The following ADAM12 variants were observed in gnomAD, a reference collection of about 807,000 sequenced individuals.
ADAM12 encodes the protein disintegrin and metalloproteinase domain-containing protein 12.
In ADAM12, 70 loss-of-function variants were observed where a neutral mutation model predicts 106.4. The ratio of observed to expected loss-of-function variants is 0.66; its 90% CI spans 0.54 to 0.80. The LOEUF (loss-of-function observed/expected upper bound fraction) is 0.80, where lower values mean the gene tolerates loss of function less well. ADAM12 is among the 30% of genes least tolerant of loss of function. ADAM12 has a pLI of 0.00. For synonymous variants in ADAM12, 420 were observed against 433.5 expected, an observed-to-expected ratio of 0.97 and a Z score of 0.39; for missense variants, 1,010 against 1,171.9, an observed-to-expected ratio of 0.86 and a Z score of 2.02.
chr10:126,305,968 T>C (rs1027685370), intron 2 of ADAM12, among the ~76,000 whole-genome samples: 3 of 152,052 alleles, frequency 2.0e-5, no homozygotes, highest in Admixed American at 2.0e-4. Flanking sequence ...TATATTTATA[T>C]ATACTTCATT....
chr10:126,311,383 G>A (rs1172378456), intron 2 of ADAM12, among the ~76,000 whole-genome samples: 3 of 152,186 alleles, frequency 2.0e-5, no homozygotes, highest in African/African-American at 7.2e-5. Flanking sequence ...TTAGGGCACA[G>A]CACTGGCAGA....
chr10:126,267,255 C>CT (rs1959114937), intron 3 of ADAM12, among the ~76,000 whole-genome samples: 1 of 152,156 alleles, frequency 6.6e-6, no homozygotes, highest in Admixed American at 6.5e-5. Flanking sequence ...GGTCCCCAAA[C>CT]TTTTTGGCAC....
intron 3 of ADAM12, among the ~76,000 whole-genome samples, chr10:126,246,136 G>A (rs1374537083): frequency 6.6e-6 from 1 of 152,144 alleles, no homozygotes; most frequent in African/African-American, 2.4e-5. Flanking sequence ...GCATTCTGGA[G>A]GAGAAAGGCA....
chr10:126,379,090 G>T (rs1189585667), intron 1 of ADAM12, among the ~76,000 whole-genome samples: 1 of 152,182 alleles, frequency 6.6e-6, no homozygotes, highest in Non-Finnish European at 1.5e-5. Flanking sequence ...TACACTGTTG[G>T]TGGGAGTGTA....
chr10:126,282,039 G>T (rs1200597261), intron 2 of ADAM12, among the ~76,000 whole-genome samples: 1 of 152,216 alleles, frequency 6.6e-6, no homozygotes, highest in African/African-American at 2.4e-5. Flanking sequence ...ACACACCAGA[G>T]ACTGTGTGGC....
At chr10:126,144,630 G>A (rs1206328469) in intron 4 of ADAM12, among the ~76,000 whole-genome samples, 1 of 152,154 alleles carries the variant, frequency 6.6e-6, no homozygotes, top group Non-Finnish European at 1.5e-5. Context: ...GGGGTTAGCA[G>A]GGGCAGGGGT....
At chr10:126,120,989 ATAT>A (rs1956079101) in intron 5 of ADAM12, among the ~76,000 whole-genome samples, 1 of 133,758 alleles carries the variant, frequency 7.5e-6, no homozygotes, top group Non-Finnish European at 1.5e-5. Flanking sequence ...AATATAGCAT[ATAT>A]TATATATTAC....
intron 3 of ADAM12, among the ~76,000 whole-genome samples, chr10:126,241,380 T>C (rs1958520569): frequency 6.6e-6 from 1 of 152,240 alleles, no homozygotes; most frequent in South Asian, 2.1e-4. Context: ...TTTTATGTTA[T>C]GTGAATCACA....
chr10:126,157,878 A>G (rs1205137903), intron 3 of ADAM12, among the ~76,000 whole-genome samples: 1 of 152,152 alleles, frequency 6.6e-6, no homozygotes, highest in Non-Finnish European at 1.5e-5. Context: ...GAAGGAGAGC[A>G]GGCAAGGCAG....
rs186332368 is a variant in ADAM12 at position 126,269,362 on chromosome 10, C to G, written c.260+9553G>C. 3.9e-3 allele frequency among the ~76,000 whole-genome samples: 589 copies of G among 152,320 alleles called. 5 individuals carry two copies. The highest frequency in any genetic ancestry group is 0.013 in the African/African-American group (548 of 41,564). On this transcript the variant is annotated intron_variant, in intron 3 of 22. Coordinates refer to ENST00000448723, the MANE Select transcript of ADAM12 (RefSeq NM_001288973.2). Reference sequence around the variant, plus strand: ...AGCCTCATTTTACCCAGCTCCTATTCAAGATGGAGTTGCTCTGGTTCAAAC... The same window carrying G: ...AGCCTCATTTTACCCAGCTCCTATTGAAGATGGAGTTGCTCTGGTTCAAAC...
intron 3 of ADAM12, among the ~76,000 whole-genome samples, chr10:126,211,232 T>A (rs1399202236): frequency 6.6e-6 from 1 of 152,152 alleles, no homozygotes; most frequent in African/African-American, 2.4e-5. Context: ...ACAGAACCCA[T>A]CATTGAGATA....
chr10:126,220,741 C>T (rs528039126), intron 3 of ADAM12, among the ~76,000 whole-genome samples: 17 of 152,348 alleles, frequency 1.1e-4, no homozygotes, highest in African/African-American at 4.1e-4. Context: ...CTTTGAAAGT[C>T]TTACCCAATG....
At chr10:126,222,312 C>T (rs866872966) in intron 3 of ADAM12, among the ~76,000 whole-genome samples, 3 of 151,984 alleles carry the variant, frequency 2.0e-5, no homozygotes, top group Non-Finnish European at 2.9e-5. Context: ...TGAGGTCTCA[C>T]GTGAAATTGA....
At chr10:126,200,082 G>A (rs966856564) in intron 3 of ADAM12, among the ~76,000 whole-genome samples, 1 of 152,104 alleles carries the variant, frequency 6.6e-6, no homozygotes, top group African/African-American at 2.4e-5. Flanking sequence ...AATATTCACT[G>A]TTCTATTAAT....
chr10:126,043,908 G>A lies in ADAM12; in HGVS notation c.1996-760C>T, dbSNP rs969982356. On this transcript the variant is annotated intron_variant, in intron 17 of 22. Transcript: ENST00000448723. This position sits in a 1 kb window ranked among gnomAD's most constrained non-coding sequence, Gnocchi z 4.1. ...CGGGAAAGGGAGACCAAGAAAGCCC[G>A]AGGAGGCTGTGCTTCACCCTTGTTG... Among the ~76,000 whole-genome samples the A allele has an allele frequency of 2.0e-5, 3 of 152,266 alleles. No homozygotes were observed. Among genetic ancestry groups the A allele is most frequent in the Middle Eastern group, 6.8e-3 (2 of 294 alleles).
intron 4 of ADAM12, among the ~76,000 whole-genome samples, chr10:126,152,693 A>C (rs1002093578): frequency 5.9e-5 from 9 of 151,762 alleles, no homozygotes; most frequent in Non-Finnish European, 1.0e-4. Flanking sequence ...GCTGGATTTT[A>C]TTTTAAATTC....
chr10:126,062,819 T>C (rs1230334558), intron 14 of ADAM12, among the ~76,000 whole-genome samples: 3 of 152,142 alleles, frequency 2.0e-5, no homozygotes, highest in African/African-American at 7.2e-5. Flanking sequence ...TCACAGCCCT[T>C]GTAACTCAAG....
chr10:126,259,695 T>A (rs916983062), intron 3 of ADAM12, among the ~76,000 whole-genome samples: 1 of 152,240 alleles, frequency 6.6e-6, no homozygotes. Context: ...AGAAAGTACA[T>A]CTTCTCCACA....
Position 126,049,569 on chromosome 10 carries a change from G to T in ADAM12, c.1710C>A (p.Cys570Ter). The T allele has an allele frequency of 6.2e-7, 1 of 1,614,084 alleles. No individual in the cohort carries two copies. Among genetic ancestry groups the T allele is most frequent in the Non-Finnish European group, 8.5e-7 (1 of 1,179,984 alleles). ...GKVSKSSFAK[C>*]EMRDAKCGKI... Reference sequence around the variant, plus strand: ...ATGTCTGGATTCCATACCTCATCTCGCATTTGGCAAAGGAACTCTTCGAGA... The same window carrying T: ...ATGTCTGGATTCCATACCTCATCTCTCATTTGGCAAAGGAACTCTTCGAGA... The change falls in exon 15 of 23, where the codon TGC becomes TGA. Residue 570 changes from cysteine (C) to a stop codon, truncating the protein, a stop_gained. Transcript: ENST00000448723. LOFTEE classifies it high-confidence loss of function. This position sits in a 1 kb window ranked among gnomAD's most constrained non-coding sequence, Gnocchi z 4.4.
Sources: gnomAD v4.1 joint callset for allele counts (sites outside exome capture counted in the v4.1 genomes callset) on GRCh38, gnomAD v4.1.1 for gene constraint, Gnocchi (gnomAD v3.1) non-coding constraint, MANE v1.5 for transcripts, NCBI Gene and HGNC (gene_info 2026-07-23, HGNC 2026-07-21) for gene names.